The following EPHB1 variants were observed in gnomAD, a reference collection of about 807,000 sequenced individuals.
EPHB1 encodes ephrin type-B receptor 1.
Under a neutral mutation model 94.4 loss-of-function variants are expected in EPHB1, and 30 were observed. The observed-to-expected ratio is 0.32, with a 90% CI of 0.24 to 0.43. EPHB1 has a LOEUF of 0.43. Ranked by LOEUF, EPHB1 falls within the 20% of genes least tolerant of loss-of-function variation. EPHB1 has a pLI of 1.00. For synonymous variants in EPHB1, 522 were observed against 489.1 expected, an observed-to-expected ratio of 1.07 and a Z score of -0.89; for missense variants, 1,055 against 1,308.3, an observed-to-expected ratio of 0.81 and a Z score of 2.99.
At chr3:135,165,853 G>T in intron 7 of EPHB1, 115 bp from the exon 8 acceptor site, 1 of 679,570 alleles carries the variant, frequency 1.5e-6, no homozygotes, top group Non-Finnish European at 2.5e-6. Flanking sequence ...CTGACACATA[G>T]AAACTATCCT....
chr3:135,063,820 G>A (rs115728613), intron 3 of EPHB1, among the ~76,000 whole-genome samples: 10,487 of 152,180 alleles, frequency 0.069, 1,042 homozygotes, highest in African/African-American at 0.23. Context: ...TATGTTGGCT[G>A]TGGGTTTGTC....
intron 4 of EPHB1, among the ~76,000 whole-genome samples, chr3:135,122,998 C>T (rs541498235): frequency 6.6e-6 from 1 of 152,344 alleles, no homozygotes; most frequent in South Asian, 2.1e-4. Flanking sequence ...CTCAGGGAAG[C>T]TGCTGAGATG....
intron 1 of EPHB1, among the ~76,000 whole-genome samples, chr3:134,797,313 C>T (rs1343905521): frequency 6.6e-6 from 1 of 152,148 alleles, no homozygotes; most frequent in Admixed American, 6.5e-5. Flanking sequence ...TATTGAGAGA[C>T]ACGTGTGGGA....
chr3:135,046,740 A>C (rs1362436677), intron 3 of EPHB1, among the ~76,000 whole-genome samples: 1 of 152,178 alleles, frequency 6.6e-6, no homozygotes, highest in Non-Finnish European at 1.5e-5. Flanking sequence ...ATGTCCCCTA[A>C]AGTTTGAGAA....
At position 135,203,976 on chromosome 3, in the gene EPHB1, A is replaced by G. The variant is rs572895645; in HGVS notation, c.2346+2287A>G. ...ATGATGCCTCATTTTTAAATTTCAC[A>G]TATGTCTACTTTTTTAATTTTTAAT... On this transcript the variant is annotated intron_variant, in intron 12 of 15. Transcript: ENST00000398015. 9.2e-5 allele frequency among the ~76,000 whole-genome samples: 14 copies of G among 152,130 alleles called. 1 individual carries two copies. The South Asian group carries it at 2.5e-3, about 27-fold the overall frequency.
intron 11 of EPHB1, among the ~76,000 whole-genome samples, chr3:135,195,425 C>A (rs1350343244): frequency 6.6e-6 from 1 of 151,810 alleles, no homozygotes; most frequent in Non-Finnish European, 1.5e-5. Context: ...TGCTGGTGCA[C>A]TGCACCCACT....
intron 3 of EPHB1, among the ~76,000 whole-genome samples, chr3:135,046,167 T>C (rs1339081841): frequency 1.3e-5 from 2 of 152,240 alleles, no homozygotes; most frequent in Non-Finnish European, 2.9e-5. Flanking sequence ...GTTCTCTGTG[T>C]TAATATGTAA....
At chr3:135,167,223 G>T (rs943443932) in intron 9 of EPHB1, among the ~76,000 whole-genome samples, 2 of 152,228 alleles carry the variant, frequency 1.3e-5, no homozygotes, top group Admixed American at 6.5e-5. Context: ...TGGATGCCTG[G>T]TGGGTAGATT....
intron 1 of EPHB1, among the ~76,000 whole-genome samples, chr3:134,826,405 A>T (rs73229124): frequency 0.047 from 7,159 of 152,182 alleles, 187 homozygotes; most frequent in Middle Eastern, 0.068. Flanking sequence ...TCCCATCATC[A>T]TATGGGGGAA....
At chr3:134,821,214 A>G (rs1209644555) in intron 1 of EPHB1, among the ~76,000 whole-genome samples, 2 of 152,200 alleles carry the variant, frequency 1.3e-5, no homozygotes, top group Admixed American at 1.3e-4. Flanking sequence ...GATGTGGCCC[A>G]CCCACATTAA....
At chr3:135,042,143 G>A (rs959214458) in intron 3 of EPHB1, among the ~76,000 whole-genome samples, 1 of 152,262 alleles carries the variant, frequency 6.6e-6, no homozygotes, top group South Asian at 2.1e-4. Context: ...TATTGCCCAG[G>A]CTGGACTCGA....
At chr3:135,190,872 G>A (rs1942437970) in intron 10 of EPHB1, among the ~76,000 whole-genome samples, 1 of 152,292 alleles carries the variant, frequency 6.6e-6, no homozygotes, top group Non-Finnish European at 1.5e-5. Flanking sequence ...TGGAGTGGAT[G>A]TGCAAGCTAC....
At chr3:135,127,345 G>A (rs7614716) in intron 4 of EPHB1, among the ~76,000 whole-genome samples, 20,543 of 152,198 alleles carry the variant, frequency 0.13, 1,491 homozygotes, top group Middle Eastern at 0.21. Context: ...GCCTGATGCA[G>A]AGGAGCATGA....
At chr3:135,049,263 C>T (rs773791587) in intron 3 of EPHB1, among the ~76,000 whole-genome samples, 1 of 152,194 alleles carries the variant, frequency 6.6e-6, no homozygotes, top group Non-Finnish European at 1.5e-5. Flanking sequence ...GTCTAACAAA[C>T]GCATTGGCTA....
At chr3:134,802,572 C>T (rs564002362) in intron 1 of EPHB1, among the ~76,000 whole-genome samples, 1 of 152,248 alleles carries the variant, frequency 6.6e-6, no homozygotes, top group Admixed American at 6.5e-5. Flanking sequence ...GCCTAGTGCC[C>T]TCCATGAGGA....
chr3:134,817,291 T>C (rs1264121093), intron 1 of EPHB1, among the ~76,000 whole-genome samples: 1 of 152,234 alleles, frequency 6.6e-6, no homozygotes, highest in African/African-American at 2.4e-5. Context: ...TTCTCTCCTC[T>C]GTAGAACAAT....
At chr3:135,211,137 T>C (rs1003279739) in intron 12 of EPHB1, among the ~76,000 whole-genome samples, 1 of 152,222 alleles carries the variant, frequency 6.6e-6, no homozygotes, top group African/African-American at 2.4e-5. Context: ...TAATTTTTCC[T>C]AGTCTACTTT....
intron 1 of EPHB1, among the ~76,000 whole-genome samples, chr3:134,857,011 G>C (rs1004432625): frequency 1.3e-5 from 2 of 152,232 alleles, no homozygotes; most frequent in South Asian, 4.1e-4. Flanking sequence ...TATCCTTCCA[G>C]AGGCAGTGTT....
intron 12 of EPHB1, among the ~76,000 whole-genome samples, chr3:135,213,157 C>G (rs1182461828): frequency 1.3e-5 from 2 of 152,206 alleles, no homozygotes; most frequent in Non-Finnish European, 2.9e-5. Flanking sequence ...TGTTTTCCCC[C>G]AGGTGTTCCT....
Sources: gnomAD v4.1 joint callset for allele counts (sites outside exome capture counted in the v4.1 genomes callset) on GRCh38, gnomAD v4.1.1 for gene constraint, MANE v1.5 for transcripts, NCBI Gene and HGNC (gene_info 2026-07-23, HGNC 2026-07-21) for gene names.